The following DEFB112 variants were observed in gnomAD, a reference collection of about 807,000 sequenced individuals.
DEFB112 encodes beta-defensin 112.
A neutral mutation model predicts 1.1 loss-of-function variants in DEFB112; 2 were observed. The observed-to-expected ratio is 1.85, with a 90% CI of 0.76 to 5.83. DEFB112 has a LOEUF of 5.83. DEFB112 is among the 30% of genes most tolerant of loss of function. The probability of loss-of-function intolerance (pLI) is 0.05; values close to 1 mark genes in which losing one functional copy is unlikely to be tolerated. For synonymous variants in DEFB112, 40 were observed against 31.2 expected (o/e 1.28, Z -0.93); for missense variants, 120 against 94.4 (o/e 1.27, Z -1.12).
chr6:50,044,633 A>C (rs1049247967), intron 1 of DEFB112, among the ~76,000 whole-genome samples: 3 of 152,076 alleles, frequency 2.0e-5, no homozygotes, highest in African/African-American at 7.2e-5. Context: ...ATCTCCACAG[A>C]TACATAGCAC....
chr6:50,048,520 T>C lies in DEFB112; in HGVS notation c.58+1292A>G, dbSNP rs772925530. On this transcript the variant is annotated intron_variant, in intron 1 of 1. Coordinates refer to ENST00000651554, the MANE Select transcript of DEFB112 (RefSeq NM_001369057.2). ...GATTAAAATGTGCAAGACACAATTC[T>C]ACTTATTTTGTTTTACCTGTGCTGA... The C allele has an allele frequency of 2.5e-6, 4 of 1,584,034 alleles. No individual in the cohort carries two copies. The African/African-American group carries it at 4.0e-5, about 16-fold the overall frequency.
At chr6:50,049,748 A>T (rs77376751) in intron 1 of DEFB112, among the ~76,000 whole-genome samples, 64 bp downstream of exon 1, 4,317 of 152,180 alleles carry the variant, frequency 0.028, 98 homozygotes, top group Admixed American at 0.066. Flanking sequence ...TCTACTTTAA[A>T]TAACCCAGCT....
Position 50,043,130 on chromosome 6 carries a change from C to G in DEFB112, c.*445G>C, listed in dbSNP as rs1294505573. On this transcript the variant is annotated 3_prime_UTR_variant, in exon 2 of 2. Transcript: ENST00000651554. ...AAAAAGTATAACCAGGAAGTATAAG[C>G]AATATGAGAAAGTTATGAGGATTTC... Among the ~76,000 whole-genome samples the G allele has an allele frequency of 6.6e-6, 1 of 151,890 alleles. No homozygotes were observed. Among genetic ancestry groups the G allele is most frequent in the East Asian group, 1.9e-4 (1 of 5,184 alleles).
rs967320273 is a variant in DEFB112 at position 50,042,222 on chromosome 6, A to G, written c.*1353T>C. ...AGAGTTTGGATCATAAACCAAAATCACAAGATGCAAATAGGGTTATTTAGC... is the reference window on the plus strand; with the variant it reads ...AGAGTTTGGATCATAAACCAAAATCGCAAGATGCAAATAGGGTTATTTAGC... On this transcript the variant is annotated 3_prime_UTR_variant, in exon 2 of 2. Transcript: ENST00000651554. Among the ~76,000 whole-genome samples the G allele has an allele frequency of 2.0e-5, 3 of 152,060 alleles. No homozygotes were observed. Among genetic ancestry groups the G allele is most frequent in the Non-Finnish European group, 2.9e-5 (2 of 67,956 alleles).
intron 1 of DEFB112, among the ~76,000 whole-genome samples, chr6:50,047,833 C>T (rs1339608947): frequency 6.6e-6 from 1 of 152,038 alleles, no homozygotes; most frequent in African/African-American, 2.4e-5. Flanking sequence ...GTATTTTGAA[C>T]AGTAGTGATT....
chr6:50,043,620 G>GTCCCTACTGAT lies in DEFB112; in HGVS notation c.239_240insATCAGTAGGGA (p.Asp80GlufsTer7). On this transcript the variant is annotated frameshift_variant, in exon 2 of 2. Transcript: ENST00000651554. LOFTEE classifies it low-confidence loss of function (END_TRUNC). ...GGTACCATTCTTGAGTCCCTACTGAGTCCTTTGGGATCCAATTATTTGGGT... is the reference window on the plus strand; with the variant it reads ...GGTACCATTCTTGAGTCCCTACTGAGTCCCTACTGATTCCTTTGGGATCCAATTATTTGGGT... 6.2e-7 allele frequency: 1 copy of GTCCCTACTGAT among 1,613,448 alleles called. No individual in the cohort carries two copies. Among genetic ancestry groups the GTCCCTACTGAT allele is most frequent in the Non-Finnish European group, 8.5e-7 (1 of 1,179,604 alleles).
rs769328567 is a variant in DEFB112, at chr6:50,048,603, A to C, written c.58+1209T>G. ...ATTGTGGAAGATGTATTTGTCTTTG[A>C]GTACATTTTTTCAAGTTTCAGTCTA... is the stretch of plus-strand genomic sequence containing the variant. On this transcript the variant is annotated intron_variant, in intron 1 of 1. Transcript: ENST00000651554. 6 of 1,613,512 alleles carry C rather than the reference A, an allele frequency of 3.7e-6. No individual in the cohort carries two copies. The African/African-American group carries it at 8.0e-5, about 22-fold the overall frequency.
At chr6:50,045,542 A>T (rs542904414) in intron 1 of DEFB112, among the ~76,000 whole-genome samples, 1 of 152,202 alleles carries the variant, frequency 6.6e-6, no homozygotes, top group South Asian at 2.1e-4. Flanking sequence ...TATACACACA[A>T]ATATATATAT....
intron 1 of DEFB112, among the ~76,000 whole-genome samples, chr6:50,045,321 ACTAC>A (rs1205330513): frequency 1.3e-5 from 2 of 152,086 alleles, no homozygotes; most frequent in Non-Finnish European, 2.9e-5. Flanking sequence ...CCATGAGATT[ACTAC>A]CTACATCAAG....
At chr6:50,047,562 T>A (rs1400168769) in intron 1 of DEFB112, among the ~76,000 whole-genome samples, 2 of 152,176 alleles carry the variant, frequency 1.3e-5, no homozygotes, top group Non-Finnish European at 2.9e-5. Context: ...GTGAAGGCAT[T>A]TTCGTGCATG....
chr6:50,046,119 G>A (rs778615180), intron 1 of DEFB112, among the ~76,000 whole-genome samples: 9 of 152,046 alleles, frequency 5.9e-5, no homozygotes, highest in Admixed American at 1.3e-4. Flanking sequence ...GCTAAGCTAT[G>A]ATGTTCTGCC....
rs1412216006 is a variant in DEFB112, at chr6:50,044,563, GTC to G, written c.59-764_59-763del. ...AATGATGTATGTACCTAGATAGAAG[GTC>G]TCTCTGTCACTAACAGAAGTTCTGA... is the stretch of plus-strand genomic sequence containing the variant. On this transcript the variant is annotated intron_variant, in intron 1 of 1. Transcript: ENST00000651554. Among the ~76,000 whole-genome samples the G allele has an allele frequency of 3.3e-5, 5 of 152,156 alleles. 1 individual carries two copies. The South Asian group carries it at 6.2e-4, about 19-fold the overall frequency.
chr6:50,049,554 T>G (rs1774892981), intron 1 of DEFB112, among the ~76,000 whole-genome samples: 2 of 152,098 alleles, frequency 1.3e-5, no homozygotes, highest in African/African-American at 4.8e-5. Flanking sequence ...CGTAGCATTA[T>G]TTTCTTCTAA....
At position 50,043,513 on chromosome 6, in the gene DEFB112, G is replaced by T; in HGVS notation, c.*62C>A. On this transcript the variant is annotated 3_prime_UTR_variant, in exon 2 of 2. Transcript: ENST00000651554. ...TGCATGGAAATTATAGGTCATTAAT[G>T]AAGTGATGAAATAATGAGAGGACTT... is the stretch of plus-strand genomic sequence containing the variant. 7.9e-7 allele frequency: 1 copy of T among 1,261,222 alleles called. No homozygotes were observed. The highest frequency in any genetic ancestry group is 1.1e-6 in the Non-Finnish European group (1 of 873,236). The allele number at this position is 1,261,222 out of a possible 1,614,324, so 78.1% of individuals were successfully genotyped here. A position where few individuals can be genotyped will look rare whatever the true frequency, so the allele number is the denominator to read the frequency against.
intron 1 of DEFB112, among the ~76,000 whole-genome samples, chr6:50,046,717 T>C (rs1774842320): frequency 6.6e-6 from 1 of 152,234 alleles, no homozygotes; most frequent in South Asian, 2.1e-4. Context: ...AGCCCTTTGC[T>C]AGTTATATAT....
chr6:50,046,709 C>A (rs1387691065), intron 1 of DEFB112, among the ~76,000 whole-genome samples: 1 of 151,932 alleles, frequency 6.6e-6, no homozygotes, highest in African/African-American at 2.4e-5. Context: ...TAGATTTAAG[C>A]CCTTTGCTAG....
At position 50,043,753 on chromosome 6, in the gene DEFB112, G is replaced by A; in HGVS notation, c.107C>T (p.Thr36Ile). The A allele has an allele frequency of 1.9e-6, 3 of 1,613,438 alleles. No individual in the cohort carries two copies. The highest frequency in any genetic ancestry group is 2.5e-6 in the Non-Finnish European group (3 of 1,179,534). ...ATTTTTACATCGACCTCCAATCGCTGTACATGACTTCCACCTACTAAAGGT... is the reference window on the plus strand; with the variant it reads ...ATTTTTACATCGACCTCCAATCGCTATACATGACTTCCACCTACTAAAGGT... ...HITFSRWKSC[T>I]AIGGRCKNQC... The change falls in exon 2 of 2, where the codon ACA becomes ATA. Residue 36 changes from threonine (T) to isoleucine (I), a missense_variant. By Grantham distance (89) the Thr-to-Ile change is moderately conservative (BLOSUM62 -1). Transcript: ENST00000651554.
chr6:50,043,725 T>C lies in DEFB112; in HGVS notation c.135A>G (p.Gln45=). The C allele has an allele frequency of 6.2e-7, 1 of 1,613,546 alleles. No homozygotes were observed. The highest frequency in any genetic ancestry group is 1.1e-5 in the South Asian group (1 of 91,062). ...CTAIGGRCKN[Q]CDDSEFRISY... is the part of the protein sequence containing the mutation. ...AAATCCTAAATTCACTATCATCACA[T>C]TGATTTTTACATCGACCTCCAATCG... The change falls in exon 2 of 2, where the codon CAA becomes CAG. Residue 45 remains glutamine, a synonymous_variant. Coordinates refer to ENST00000651554, the MANE Select transcript of DEFB112 (RefSeq NM_001369057.2).
At position 50,042,969 on chromosome 6, in the gene DEFB112, T is replaced by G. The variant is rs895150601; in HGVS notation, c.*606A>C. ...GTTAATCATAATTTCACATTATCGT[T>G]ATTGCCACAAGCTACAGGGATTTAC... On this transcript the variant is annotated 3_prime_UTR_variant, in exon 2 of 2. Coordinates refer to ENST00000651554, the MANE Select transcript of DEFB112 (RefSeq NM_001369057.2). Among the ~76,000 whole-genome samples, 2 of 152,096 alleles carry G rather than the reference T, an allele frequency of 1.3e-5. No individual in the cohort carries two copies. Among genetic ancestry groups the G allele is most frequent in the Non-Finnish European group, 2.9e-5 (2 of 67,964 alleles).
Sources: gnomAD v4.1 joint callset for allele counts (sites outside exome capture counted in the v4.1 genomes callset) on GRCh38, gnomAD v4.1.1 for gene constraint, MANE v1.5 for transcripts, NCBI Gene and HGNC (gene_info 2026-07-23, HGNC 2026-07-21) for gene names.